NCKAP5: variants seen among roughly 807,000 people sequenced by gnomAD.
NCKAP5 encodes the protein NCK associated protein 5, also known as nck-associated protein 5.
A neutral mutation model predicts 167.0 loss-of-function variants in NCKAP5; 92 were observed. The observed-to-expected ratio is 0.55, with a 90% CI of 0.47 to 0.66. The LOEUF (loss-of-function observed/expected upper bound fraction) is 0.66. Among genes scored for constraint, NCKAP5 ranks in the 30% least tolerant of loss-of-function variants. The pLI is 0.00. For synonymous variants in NCKAP5, 891 were observed against 877.4 expected, an observed-to-expected ratio of 1.02 and a Z score of -0.27; for missense variants, 2,378 against 2,315.0, an observed-to-expected ratio of 1.03 and a Z score of -0.56.
At chr2:132,873,128 G>A (rs1690963352) in intron 9 of NCKAP5, among the ~76,000 whole-genome samples, 1 of 152,144 alleles carries the variant, frequency 6.6e-6, no homozygotes, top group South Asian at 2.1e-4. Context: ...TTTTGAGACA[G>A]AGTCTCACTT....
chr2:133,066,697 A>T (rs1244323260), intron 6 of NCKAP5, among the ~76,000 whole-genome samples: 5 of 152,152 alleles, frequency 3.3e-5, no homozygotes, highest in Non-Finnish European at 7.4e-5. Context: ...CTTTATATTT[A>T]TTTTGGTCTC....
rs190250528 is a variant in NCKAP5, at chr2:132,758,731, G to A, written c.5128+15085C>T. Among the ~76,000 whole-genome samples, 1,112 of 152,224 alleles carry A rather than the reference G, an allele frequency of 7.3e-3. 8 individuals carry two copies. The highest frequency in any genetic ancestry group is 0.012 in the Non-Finnish European group (788 of 68,012). ...CTGCTCCAAAGGTAGACAGGAAGAG[G>A]ACTGGGATGGGGGATGAATGGCACA... is the stretch of plus-strand genomic sequence containing the variant. On this transcript the variant is annotated intron_variant, in intron 16 of 19. Coordinates refer to ENST00000409261, the MANE Select transcript of NCKAP5 (RefSeq NM_207363.3).
At chr2:133,311,432 C>T (rs1022104869) in intron 3 of NCKAP5, among the ~76,000 whole-genome samples, 4 of 152,206 alleles carry the variant, frequency 2.6e-5, no homozygotes, top group African/African-American at 9.7e-5. Flanking sequence ...GTTCAGCTAT[C>T]TGGAAGCCCC....
intron 16 of NCKAP5, among the ~76,000 whole-genome samples, chr2:132,761,969 A>C (rs895158404): frequency 5.3e-5 from 8 of 152,154 alleles, no homozygotes; most frequent in African/African-American, 1.9e-4. Flanking sequence ...GGTGCCTGAG[A>C]GGTGATCCAA....
the NCKAP5 span, among the ~76,000 whole-genome samples, chr2:133,618,616 T>C: frequency 5.2e-4 from 79 of 151,778 alleles, no homozygotes; most frequent in South Asian, 2.3e-3. Flanking sequence ...TACCATCTCA[T>C]ACCAGTTAGA....
intron 4 of NCKAP5, among the ~76,000 whole-genome samples, chr2:133,274,911 G>A (rs914189634): frequency 2.1e-4 from 32 of 151,814 alleles, no homozygotes; most frequent in African/African-American, 5.8e-4. Context: ...CATATCAGGC[G>A]GGGAAGTATA....
Position 133,053,146 on chromosome 2 carries a change from C to T in NCKAP5, c.342-58907G>A, listed in dbSNP as rs186458126. Among the ~76,000 whole-genome samples, 375 of 152,296 alleles carry T rather than the reference C, an allele frequency of 2.5e-3. 5 individuals are homozygous for T. Among genetic ancestry groups the T allele is most frequent in the Non-Finnish European group, 1.5e-3 (104 of 68,024 alleles). On this transcript the variant is annotated intron_variant, in intron 6 of 19. Transcript: ENST00000409261. ...CCCCTCCTGCCCTTCATTTGGTTAG[C>T]TGGTAAACCATTCTTCACAGCTTTT...
intron 7 of NCKAP5, among the ~76,000 whole-genome samples, chr2:132,968,487 T>A (rs2076733281): frequency 6.6e-6 from 1 of 152,220 alleles, no homozygotes; most frequent in Non-Finnish European, 1.5e-5. Flanking sequence ...TCCAACTTTT[T>A]AGGCCTCAGT....
chr2:133,190,995 T>C (rs1281415770), intron 5 of NCKAP5, among the ~76,000 whole-genome samples: 1 of 152,074 alleles, frequency 6.6e-6, no homozygotes, highest in African/African-American at 2.4e-5. Context: ...ACCTGCAGAA[T>C]GGGAGAAAAT....
chr2:132,998,588 T>G (rs887465690), intron 6 of NCKAP5, among the ~76,000 whole-genome samples: 1 of 152,224 alleles, frequency 6.6e-6, no homozygotes, highest in Admixed American at 6.5e-5. Flanking sequence ...CATTATTTAC[T>G]CCCTGATGAC....
intron 2 of NCKAP5, among the ~76,000 whole-genome samples, chr2:133,553,655 G>T (rs1422835934): frequency 6.6e-6 from 1 of 152,148 alleles, no homozygotes. Context: ...GGCCATGAAG[G>T]AGACAGCATC....
chr2:133,080,481 G>C (rs1216268292), intron 6 of NCKAP5, among the ~76,000 whole-genome samples: 1 of 152,100 alleles, frequency 6.6e-6, no homozygotes, highest in Non-Finnish European at 1.5e-5. Flanking sequence ...AGTTTAATTG[G>C]AACACAGCCA....
At chr2:132,891,618 T>C (rs994323872) in intron 8 of NCKAP5, among the ~76,000 whole-genome samples, 3 of 152,200 alleles carry the variant, frequency 2.0e-5, no homozygotes, top group Non-Finnish European at 2.9e-5. Context: ...TGCATATGCA[T>C]ATGGGTGAGT....
intron 6 of NCKAP5, among the ~76,000 whole-genome samples, chr2:133,073,570 G>A (rs2080495092): frequency 6.6e-6 from 1 of 152,168 alleles, no homozygotes; most frequent in Admixed American, 6.5e-5. Flanking sequence ...AGAAGGGAAG[G>A]TGAAACTCAT....
intron 7 of NCKAP5, among the ~76,000 whole-genome samples, chr2:132,964,253 A>T (rs963927307): frequency 6.6e-6 from 1 of 152,230 alleles, no homozygotes; most frequent in Non-Finnish European, 1.5e-5. Flanking sequence ...GCTCCTCAAG[A>T]TAGGGTCATT....
chr2:133,294,546 G>A (rs990212533), intron 4 of NCKAP5, among the ~76,000 whole-genome samples: 13 of 152,148 alleles, frequency 8.5e-5, no homozygotes, highest in African/African-American at 2.2e-4. Flanking sequence ...ATGTGGCCTC[G>A]CAGCAAGCAA....
chr2:133,357,402 T>G (rs1684814876), intron 3 of NCKAP5, among the ~76,000 whole-genome samples: 1 of 152,074 alleles, frequency 6.6e-6, no homozygotes, highest in Admixed American at 6.6e-5. Context: ...TATGTGCATT[T>G]AATAACTTAG....
chr2:133,115,222 A>G (rs990827210), intron 6 of NCKAP5, among the ~76,000 whole-genome samples: 1 of 152,236 alleles, frequency 6.6e-6, no homozygotes, highest in African/African-American at 2.4e-5. Flanking sequence ...TTATTGATGT[A>G]TGAATTGAGC....
At chr2:133,433,390 G>A (rs576205151) in intron 3 of NCKAP5, 1 of 152,278 alleles carries the variant, frequency 6.6e-6, no homozygotes, top group East Asian at 1.9e-4. Flanking sequence ...AGAATGACAG[G>A]AACTTTGAAA....
Sources: gnomAD v4.1 joint callset for allele counts (sites outside exome capture counted in the v4.1 genomes callset) on GRCh38, gnomAD v4.1.1 for gene constraint, MANE v1.5 for transcripts, NCBI Gene and HGNC (gene_info 2026-07-23, HGNC 2026-07-21) for gene names.